MYH15: variants seen among roughly 807,000 people sequenced by gnomAD.
The protein encoded by MYH15 is myosin heavy chain 15, also known as myosin-15.
A neutral mutation model predicts 240.5 loss-of-function variants in MYH15; 227 were observed. The observed-to-expected ratio is 0.94, with a 90% CI of 0.85 to 1.05. The LOEUF is 1.05. Among genes scored for constraint, MYH15 ranks in the 50% least tolerant of loss-of-function variants. MYH15 has a pLI of 0.00. For missense variants in MYH15, 2,217 were observed against 2,247.5 expected (o/e 0.99, Z 0.27); for synonymous variants, 785 against 796.7 (o/e 0.99, Z 0.25).
At chr3:108,432,415 C>T (rs908889166) in intron 25 of MYH15, among the ~76,000 whole-genome samples, 3 of 150,082 alleles carry the variant, frequency 2.0e-5, no homozygotes, top group African/African-American at 4.9e-5. Context: ...TGCAGCCTGA[C>T]AGTGTGATAG....
chr3:108,507,226 A>AATATATAT (rs147101810), intron 1 of MYH15, among the ~76,000 whole-genome samples: 124 of 98,430 alleles, frequency 1.3e-3, no homozygotes, highest in African/African-American at 2.3e-3. Context: ...AAGGAAAATG[A>AATATATAT]ATATATATAT....
At position 108,493,195 on chromosome 3, in the gene MYH15, C is replaced by G; in HGVS notation, c.712-18G>C. 1 of 1,608,492 alleles carries G rather than the reference C, an allele frequency of 6.2e-7. No homozygotes were observed. The highest frequency in any genetic ancestry group is 8.5e-7 in the Non-Finnish European group (1 of 1,175,196). On this transcript the variant is annotated intron_variant, in intron 7 of 40. Transcript: ENST00000693548. The stretch of plus-strand genomic sequence containing the variant: ...AATTTGCCCTAGTGTGGACACAGAA[C>G]ACAGTCAGACACAAAACACAGTTTC...
At chr3:108,483,062 T>G (rs1308159451) in intron 11 of MYH15, among the ~76,000 whole-genome samples, 1 of 151,860 alleles carries the variant, frequency 6.6e-6, no homozygotes, top group Non-Finnish European at 1.5e-5. Context: ...AGTGTAGTGG[T>G]GCACCTGTAA....
intron 27 of MYH15, 31 bp from the exon 28 acceptor site, chr3:108,421,245 G>A (rs1170344828): frequency 6.2e-7 from 1 of 1,602,560 alleles, no homozygotes; most frequent in African/African-American, 1.3e-5. Flanking sequence ...GCTGGTCAGG[G>A]CTCACAGAGG....
intron 12 of MYH15, among the ~76,000 whole-genome samples, chr3:108,474,480 CT>C (rs1021133217): frequency 1.4e-4 from 20 of 146,192 alleles, no homozygotes; most frequent in Non-Finnish European, 2.1e-4. Context: ...TTTATTTTTG[CT>C]TTTTTTTGTT....
Position 108,428,792 on chromosome 3 carries a change from G to A in MYH15, c.3402C>T (p.Asp1134=), listed in dbSNP as rs1446099713. The change falls in exon 27 of 41, where the codon GAC becomes GAT. Residue 1134 remains aspartate (D), a synonymous_variant. Transcript: ENST00000693548. ...CCAGCCTCTCATTCAAGTCAGCCAG[G>A]TCTTGGGTGAGGTCAGCTCTCTCCC... The part of the protein sequence containing the change: ...MERERADLTQ[D]LADLNERLEE... 2 of 1,613,910 alleles carry A rather than the reference G, an allele frequency of 1.2e-6. No individual in the cohort carries two copies. The highest frequency in any genetic ancestry group is 1.7e-6 in the Non-Finnish European group (2 of 1,179,978).
chr3:108,398,853 A>T lies in MYH15; in HGVS notation c.4930-13T>A. 1 of 1,613,458 alleles carries T rather than the reference A, an allele frequency of 6.2e-7. No individual in the cohort carries two copies. ...GCATTTGAAGGTCCTGGGAGAGAAAAGATGGGTCTGGAGTACAGATCCCTC... is the reference window on the plus strand; with the variant it reads ...GCATTTGAAGGTCCTGGGAGAGAAATGATGGGTCTGGAGTACAGATCCCTC... On this transcript the variant is annotated splice_polypyrimidine_tract_variant and intron_variant, in intron 34 of 40. Coordinates refer to ENST00000693548, the MANE Select transcript of MYH15 (RefSeq NM_014981.3).
intron 1 of MYH15, among the ~76,000 whole-genome samples, chr3:108,507,281 A>C: frequency 7.8e-6 from 1 of 128,408 alleles, no homozygotes. Flanking sequence ...ATATATACAC[A>C]TATGAAAATG....
chr3:108,463,325 T>A, intron 15 of MYH15, 82 bp from the exon 16 acceptor site: 1 of 1,430,924 alleles, frequency 7.0e-7, no homozygotes, highest in South Asian at 1.4e-5. Flanking sequence ...TTACCCCTTT[T>A]TTTTTTTGAG....
chr3:108,551,030 T>C, the MYH15 span: 1 of 444,992 alleles, frequency 2.2e-6, no homozygotes, highest in African/African-American at 2.0e-5. Flanking sequence ...CTTTACTAAA[T>C]TAGATAATAA....
chr3:108,478,613 G>GT (rs56945832), intron 11 of MYH15, among the ~76,000 whole-genome samples: 115,548 of 151,742 alleles, frequency 0.76, 45,962 homozygotes, highest in Non-Finnish European at 0.83. Flanking sequence ...AATGTGCCTG[G>GT]CAACCTGAGT....
In MYH15 at chr3:108,501,711, C is replaced by T; in HGVS notation, c.339+1G>A. The T allele has an allele frequency of 6.2e-7, 1 of 1,614,014 alleles. No individual in the cohort carries two copies. The highest frequency in any genetic ancestry group is 8.5e-7 in the Non-Finnish European group (1 of 1,179,918). On this transcript the variant is annotated splice_donor_variant, in intron 3 of 40. Coordinates refer to ENST00000693548, the MANE Select transcript of MYH15 (RefSeq NM_014981.3). LOFTEE classifies it high-confidence loss of function. ...GTTTAGCAGGAAAGCATATTACACA[C>T]ATAGATCATCCACTGGCCATAGCGC...
At chr3:108,469,581 T>C (rs965451027) in intron 14 of MYH15, among the ~76,000 whole-genome samples, 5 of 152,208 alleles carry the variant, frequency 3.3e-5, no homozygotes, top group Non-Finnish European at 7.3e-5. Context: ...ATGAACAAAC[T>C]ACATCCTGCA....
the MYH15 span, among the ~76,000 whole-genome samples, chr3:108,542,828 GAAT>G: frequency 4.0e-5 from 6 of 150,904 alleles, no homozygotes; most frequent in South Asian, 1.3e-3. Flanking sequence ...AGCTTGCTGA[GAAT>G]AATGGCTTCC....
At chr3:108,514,922 T>C (rs1371838013), upstream of MYH15, among the ~76,000 whole-genome samples, 1 of 152,186 alleles carries the variant, frequency 6.6e-6, no homozygotes, top group Non-Finnish European at 1.5e-5. Context: ...CATCTCTAAT[T>C]TTCCTTCTAT....
At chr3:108,403,492 T>C (rs891306845) in intron 33 of MYH15, among the ~76,000 whole-genome samples, 1 of 114,540 alleles carries the variant, frequency 8.7e-6, no homozygotes, top group South Asian at 3.7e-4. Context: ...AATCTTGTGT[T>C]TGGCTTTTTT....
At chr3:108,478,479 G>A (rs1163714494) in intron 11 of MYH15, among the ~76,000 whole-genome samples, 3 of 152,166 alleles carry the variant, frequency 2.0e-5, no homozygotes, top group East Asian at 3.9e-4. Context: ...CAGGTTTGGC[G>A]GCAAAAGCTT....
At chr3:108,404,597 G>A (rs1201164294) in intron 33 of MYH15, among the ~76,000 whole-genome samples, 2 of 152,168 alleles carry the variant, frequency 1.3e-5, no homozygotes, top group Non-Finnish European at 2.9e-5. Context: ...GCTAAGAAGT[G>A]GAATGTCTAA....
chr3:108,479,305 T>C (rs1345289562), intron 11 of MYH15, among the ~76,000 whole-genome samples: 2 of 152,182 alleles, frequency 1.3e-5, no homozygotes, highest in African/African-American at 4.8e-5. Flanking sequence ...TGATCTTACC[T>C]GGGAGAGGTA....
Sources: allele counts gnomAD v4.1 joint callset (sites outside exome capture counted in the v4.1 genomes callset), GRCh38; gene constraint gnomAD v4.1.1; transcripts MANE v1.5; gene names NCBI Gene and HGNC (gene_info 2026-07-23, HGNC 2026-07-21).